The following AP1G1 variants were observed in gnomAD, a reference collection of about 807,000 sequenced individuals.
AP1G1 encodes the protein adaptor related protein complex 1 subunit gamma 1.
A neutral mutation model predicts 108.3 loss-of-function variants in AP1G1; 7 were observed. The observed-to-expected ratio is 0.06, with a 90% CI of 0.04 to 0.12. AP1G1 has a LOEUF of 0.12. Among genes scored for constraint, AP1G1 ranks in the 10% least tolerant of loss-of-function variants. AP1G1 has a pLI of 1.00. For missense variants in AP1G1, 756 were observed against 1,010.7 expected, an observed-to-expected ratio of 0.75 and a Z score of 3.42; for synonymous variants, 379 against 353.5, an observed-to-expected ratio of 1.07 and a Z score of -0.81.
chr16:71,775,729 G>A (rs2031757636), intron 2 of AP1G1, among the ~76,000 whole-genome samples: 1 of 152,166 alleles, frequency 6.6e-6, no homozygotes, highest in Admixed American at 6.5e-5. Flanking sequence ...AGTACATTCA[G>A]AGCTTGATCC....
chr16:71,735,980 A>T (rs1313856319), intron 21 of AP1G1, among the ~76,000 whole-genome samples: 1 of 149,608 alleles, frequency 6.7e-6, no homozygotes, highest in African/African-American at 2.5e-5. Context: ...AAAATACAAA[A>T]ATTAGCTGGG....
chr16:71,744,439 A>G (rs1348096342), intron 19 of AP1G1, among the ~76,000 whole-genome samples: 1 of 152,188 alleles, frequency 6.6e-6, no homozygotes, highest in East Asian at 1.9e-4. Context: ...GCAGGTTAAC[A>G]TCTCTCCACA....
intron 2 of AP1G1, among the ~76,000 whole-genome samples, chr16:71,783,021 C>T (rs914912706): frequency 6.6e-6 from 1 of 152,034 alleles, no homozygotes; most frequent in Non-Finnish European, 1.5e-5. Context: ...TAGCTCATTG[C>T]TTCTGGTCTG....
Position 71,793,291 on chromosome 16 carries a change from T to C in AP1G1, c.-3-3809A>G, listed in dbSNP as rs180758738. Among the ~76,000 whole-genome samples the C allele has an allele frequency of 3.3e-3, 504 of 152,328 alleles. 2 individuals carry two copies. Among genetic ancestry groups the C allele is most frequent in the Middle Eastern group, 0.01 (3 of 294 alleles). On this transcript the variant is annotated intron_variant, in intron 1 of 22. Transcript: ENST00000299980. ...AGCTGAGAATCCAAAAACACATTTT[T>C]ATTATCTCAAGCAGCCAATATAGAG...
intron 1 of AP1G1, among the ~76,000 whole-genome samples, chr16:71,805,406 G>A (rs894303212): frequency 5.9e-5 from 9 of 152,030 alleles, no homozygotes; most frequent in African/African-American, 2.2e-4. Context: ...AGCCGAGATC[G>A]AGCCACTGCA....
chr16:71,756,317 G>C, intron 11 of AP1G1, 158 bp from the exon 12 acceptor site: 1 of 572,264 alleles, frequency 1.7e-6, no homozygotes, highest in Non-Finnish European at 2.9e-6. Context: ...TAACCAAGGA[G>C]ATGTATTCTT....
chr16:71,747,103 G>A (rs1305192790), intron 16 of AP1G1: 1 of 152,272 alleles, frequency 6.6e-6, no homozygotes, highest in Non-Finnish European at 1.5e-5. Flanking sequence ...TCAAAATGTT[G>A]ACCCCAAATT....
At chr16:71,774,337 G>C in intron 3 of AP1G1, 131 bp downstream of exon 3, 1 of 893,646 alleles carries the variant, frequency 1.1e-6, no homozygotes, top group Non-Finnish European at 1.7e-6. Context: ...GGCAGCGGAG[G>C]AGGATGCAGT....
intron 11 of AP1G1, among the ~76,000 whole-genome samples, chr16:71,757,090 T>A (rs1203794687): frequency 6.6e-6 from 1 of 152,146 alleles, no homozygotes; most frequent in Non-Finnish European, 1.5e-5. Flanking sequence ...AGCTGTAAGG[T>A]TGCTATATGC....
chr16:71,754,402 C>T (rs760579846), intron 12 of AP1G1, among the ~76,000 whole-genome samples: 4 of 151,994 alleles, frequency 2.6e-5, no homozygotes, highest in Non-Finnish European at 4.4e-5. Flanking sequence ...GAAGAAAATC[C>T]TGTCCTACAG....
intron 1 of AP1G1, among the ~76,000 whole-genome samples, chr16:71,793,524 C>A (rs1424963014): frequency 6.6e-6 from 1 of 152,060 alleles, no homozygotes; most frequent in East Asian, 1.9e-4. Context: ...AAAGCAGCAA[C>A]AAAAACAAAC....
chr16:71,767,200 G>A lies in AP1G1; in HGVS notation c.643-1616C>T, dbSNP rs185286981. 2.6e-3 allele frequency among the ~76,000 whole-genome samples: 390 copies of A among 152,228 alleles called. 1 individual carries two copies. The highest frequency in any genetic ancestry group is 4.4e-3 in the Non-Finnish European group (296 of 68,012). ...AGCACATCACATAACATTACCCTGGGACACAGAGCACAAATGACTAAATGT... is the reference window on the plus strand; with the variant it reads ...AGCACATCACATAACATTACCCTGGAACACAGAGCACAAATGACTAAATGT... On this transcript the variant is annotated intron_variant, in intron 6 of 22. Coordinates refer to ENST00000299980, the MANE Select transcript of AP1G1 (RefSeq NM_001128.6).
intron 12 of AP1G1, among the ~76,000 whole-genome samples, chr16:71,755,750 A>C (rs1369972514): frequency 1.3e-5 from 2 of 151,776 alleles, no homozygotes; most frequent in Admixed American, 1.3e-4. Flanking sequence ...GGTTCAAGTG[A>C]TTCTCCTGCC....
intron 11 of AP1G1, among the ~76,000 whole-genome samples, chr16:71,757,617 G>A (rs181869518): frequency 2.0e-5 from 3 of 152,210 alleles, no homozygotes; most frequent in East Asian, 3.9e-4. Context: ...CCTTCTATCT[G>A]TATTTTACTT....
At chr16:71,788,758 C>A (rs2032297693) in intron 2 of AP1G1, among the ~76,000 whole-genome samples, 1 of 151,530 alleles carries the variant, frequency 6.6e-6, no homozygotes, top group African/African-American at 2.4e-5. Context: ...ACTCCTGGGG[C>A]ACAAGCAATC....
intron 2 of AP1G1, among the ~76,000 whole-genome samples, chr16:71,786,152 C>T (rs1417888541): frequency 6.6e-6 from 1 of 152,080 alleles, no homozygotes; most frequent in African/African-American, 2.4e-5. Context: ...CATTTACTTT[C>T]TAAGAATTAA....
intron 6 of AP1G1, chr16:71,767,892 T>G (rs1352310386): frequency 1.9e-6 from 3 of 1,599,054 alleles, no homozygotes; most frequent in East Asian, 2.2e-5. Context: ...CATTCTAACA[T>G]ACAGCAGGAT....
chr16:71,808,058 C>A (rs2033057209), intron 1 of AP1G1: 1 of 1,177,438 alleles, frequency 8.5e-7, no homozygotes, highest in Non-Finnish European at 1.1e-6. Context: ...GAGTCCTAAC[C>A]GGGAAACACA....
At chr16:71,765,351 TTG>T in intron 7 of AP1G1, 136 bp downstream of exon 7, 1 of 587,674 alleles carries the variant, frequency 1.7e-6, no homozygotes, top group Non-Finnish European at 3.0e-6. Context: ...TAATATAGAA[TTG>T]TGTCACTATT....
Sources: allele counts gnomAD v4.1 joint callset (sites outside exome capture counted in the v4.1 genomes callset), GRCh38; gene constraint gnomAD v4.1.1; transcripts MANE v1.5; gene names NCBI Gene and HGNC (gene_info 2026-07-23, HGNC 2026-07-21).